C12orf54: variants seen among roughly 807,000 people sequenced by gnomAD.
C12orf54 encodes the protein chromosome 12 open reading frame 54, also known as uncharacterized protein C12orf54.
In C12orf54, 24 loss-of-function variants were observed where a neutral mutation model predicts 26.4. That is an observed-to-expected ratio of 0.91 (90% confidence interval 0.66 to 1.28). The LOEUF is 1.28. Among genes scored for constraint, C12orf54 ranks in the 50% most tolerant of loss-of-function variants. The pLI is 0.00. For synonymous variants in C12orf54, 54 were observed against 47.0 expected (o/e 1.15, Z -0.61); for missense variants, 154 against 150.9 (o/e 1.02, Z -0.11).
chr12:48,486,720 G>C lies in C12orf54; in HGVS notation c.129G>C (p.Trp43Cys), dbSNP rs777428394. 7 of 1,613,226 alleles carry C rather than the reference G, an allele frequency of 4.3e-6. No individual in the cohort carries two copies. Among genetic ancestry groups the C allele is most frequent in the Non-Finnish European group, 5.9e-6 (7 of 1,179,222 alleles). ...AGGTAACCATCACTGAAACCCTGTG[G>C]GACCAGGTGAGTACAGAGGAATCAT... is the stretch of plus-strand genomic sequence containing the variant. ...EKQVTITETL[W>C]DQVLTVFKDI... Residue 43 changes from tryptophan to cysteine, a missense_variant, in exon 4 of 9, where the codon TGG becomes TGC. Trp to Cys is a radical substitution (Grantham distance 215). Transcript: ENST00000548364.
At chr12:48,452,140 T>A in the C12orf54 span, among the ~76,000 whole-genome samples, 1 of 152,084 alleles carries the variant, frequency 6.6e-6, no homozygotes, top group African/African-American at 2.4e-5. Flanking sequence ...AACAGACACA[T>A]AAATCAATGG....
the C12orf54 span, among the ~76,000 whole-genome samples, chr12:48,476,396 T>C: frequency 6.6e-6 from 1 of 152,106 alleles, no homozygotes; most frequent in Non-Finnish European, 1.5e-5. Context: ...CACATAACAA[T>C]ATTAACTTTA....
the C12orf54 span, among the ~76,000 whole-genome samples, chr12:48,467,827 A>G: frequency 2.0e-5 from 3 of 152,282 alleles, no homozygotes; most frequent in African/African-American, 7.2e-5. Flanking sequence ...TCTTGAAAAT[A>G]TAGTCTAAAT....
the C12orf54 span, among the ~76,000 whole-genome samples, chr12:48,454,092 GTTTGTTTTTT>G: frequency 1.3e-5 from 1 of 75,784 alleles, no homozygotes; most frequent in Non-Finnish European, 2.9e-5. Flanking sequence ...CTCTTTTTTT[GTTTGTTTTTT>G]TTTTTTTTTT....
the C12orf54 span, among the ~76,000 whole-genome samples, chr12:48,453,317 G>A: frequency 6.6e-6 from 1 of 151,792 alleles, no homozygotes; most frequent in African/African-American, 2.4e-5. Context: ...GTGGGCAACA[G>A]CACACACTGG....
At chr12:48,464,689 C>T in the C12orf54 span, among the ~76,000 whole-genome samples, 2 of 152,086 alleles carry the variant, frequency 1.3e-5, no homozygotes, top group Non-Finnish European at 2.9e-5. Context: ...ACTATAGTAA[C>T]CAAAGCAGCT....
chr12:48,494,488 A>G (rs1420058386), intron 7 of C12orf54, among the ~76,000 whole-genome samples: 1 of 152,236 alleles, frequency 6.6e-6, no homozygotes. Flanking sequence ...TGATTAGTCA[A>G]AATCCTTTCA....
chr12:48,439,412 G>T, the C12orf54 span, among the ~76,000 whole-genome samples: 5 of 152,128 alleles, frequency 3.3e-5, no homozygotes, highest in Non-Finnish European at 7.3e-5. Context: ...ATACCCAAAG[G>T]ATTATAAATC....
chr12:48,482,994 G>A (rs1441456583), intron 1 of C12orf54, among the ~76,000 whole-genome samples: 3 of 151,234 alleles, frequency 2.0e-5, no homozygotes, highest in Admixed American at 6.6e-5. Context: ...AAAGACTATA[G>A]GAAGATTTTA....
At chr12:48,448,460 T>C in the C12orf54 span, among the ~76,000 whole-genome samples, 2 of 152,234 alleles carry the variant, frequency 1.3e-5, no homozygotes, top group Admixed American at 1.3e-4. Flanking sequence ...TTCATTTAAT[T>C]GTTATAAAGT....
chr12:48,488,495 A>AC (rs67325885), intron 4 of C12orf54: 3,505 of 333,764 alleles, frequency 0.011, 79 homozygotes, highest in South Asian at 0.017. Context: ...AAAAAAAAAA[A>AC]GAAAGAAAGA....
In C12orf54 at chr12:48,485,962, C is replaced by T. The variant is rs140681965; in HGVS notation, c.66-216C>T. Among the ~76,000 whole-genome samples the T allele has an allele frequency of 9.9e-5, 15 of 152,216 alleles. No homozygotes were observed. In the East Asian group the frequency reaches 2.9e-3, roughly 29 times the overall value. ...TCTATGCTTTAGAGTTCTCAAAGGG[C>T]TTCCACAATAGTCAAGATACTTGGA... On this transcript the variant is annotated intron_variant, in intron 2 of 8. Coordinates refer to ENST00000548364, the MANE Select transcript of C12orf54 (RefSeq NM_152319.4).
chr12:48,477,646 G>A (rs905389798), upstream of C12orf54, among the ~76,000 whole-genome samples: 3 of 152,152 alleles, frequency 2.0e-5, no homozygotes, highest in African/African-American at 7.2e-5. Flanking sequence ...AGAAAATCTA[G>A]AAGGAATGCA....
the C12orf54 span, among the ~76,000 whole-genome samples, chr12:48,429,703 A>G: frequency 6.6e-6 from 1 of 152,202 alleles, no homozygotes; most frequent in Non-Finnish European, 1.5e-5. Flanking sequence ...ATGCTCATGG[A>G]TGGGTAGAAT....
the C12orf54 span, among the ~76,000 whole-genome samples, chr12:48,418,925 GAA>G: frequency 1.8e-4 from 24 of 134,480 alleles, no homozygotes; most frequent in South Asian, 2.3e-4. Flanking sequence ...ATTTTCTCCA[GAA>G]AAAAAAAAAA....
At chr12:48,427,311 C>G in the C12orf54 span, among the ~76,000 whole-genome samples, 2 of 151,992 alleles carry the variant, frequency 1.3e-5, no homozygotes, top group South Asian at 2.1e-4. Flanking sequence ...TTATCAAAAG[C>G]CTTTGCTGTA....
intron 7 of C12orf54, among the ~76,000 whole-genome samples, chr12:48,494,096 G>T (rs1937858374): frequency 8.1e-6 from 1 of 123,516 alleles, no homozygotes. Context: ...GCAGGTGCCT[G>T]TAACCCCAGC....
chr12:48,486,043 C>T (rs1389225954), intron 2 of C12orf54, 135 bp from the exon 3 acceptor site: 4 of 767,074 alleles, frequency 5.2e-6, no homozygotes, highest in Non-Finnish European at 8.7e-6. Context: ...AGAGGCAGGA[C>T]CGTGGCTACC....
intron 2 of C12orf54, among the ~76,000 whole-genome samples, chr12:48,485,296 T>C (rs1954247232): frequency 6.6e-6 from 1 of 152,004 alleles, no homozygotes; most frequent in East Asian, 1.9e-4. Context: ...TGTTTTGTTT[T>C]GTTTTGTTTT....
Sources: gnomAD v4.1 joint callset for allele counts (sites outside exome capture counted in the v4.1 genomes callset) on GRCh38, gnomAD v4.1.1 for gene constraint, MANE v1.5 for transcripts, NCBI Gene and HGNC (gene_info 2026-07-23, HGNC 2026-07-21) for gene names.